SLC25A26: variants seen among roughly 807,000 people sequenced by gnomAD.
SLC25A26 encodes mitochondrial S-adenosylmethionine carrier protein.
In SLC25A26, 36 loss-of-function variants were observed where a neutral mutation model predicts 37.8. The observed-to-expected ratio is 0.95, with a 90% CI of 0.73 to 1.26. SLC25A26 has a LOEUF of 1.26. SLC25A26 is among the 50% of genes most tolerant of loss of function. The pLI is 0.00. For missense variants in SLC25A26, 390 were observed against 331.1 expected (o/e 1.18, Z -1.38); for synonymous variants, 129 against 122.5 (o/e 1.05, Z -0.35).
intron 2 of SLC25A26, 107 bp downstream of exon 2, chr3:66,236,807 C>T: frequency 2.5e-6 from 2 of 802,010 alleles, no homozygotes; most frequent in Non-Finnish European, 3.5e-6. Context: ...AGCTTATCTT[C>T]TGAATTTCCT....
At chr3:66,222,347 AT>A (rs2071539174) in intron 1 of SLC25A26, among the ~76,000 whole-genome samples, 1 of 151,966 alleles carries the variant, frequency 6.6e-6, no homozygotes, top group Non-Finnish European at 1.5e-5. Context: ...CGCCCAGCTA[AT>A]TTTTTGGGTT....
intron 1 of SLC25A26, among the ~76,000 whole-genome samples, chr3:66,223,671 T>G (rs1049350499): frequency 6.6e-6 from 1 of 152,158 alleles, no homozygotes; most frequent in African/African-American, 2.4e-5. Context: ...AAACTTGGAT[T>G]TGAAGAATTA....
At chr3:66,233,767 C>T (rs965855228) in intron 1 of SLC25A26, among the ~76,000 whole-genome samples, 2 of 151,850 alleles carry the variant, frequency 1.3e-5, no homozygotes, top group African/African-American at 2.4e-5. Flanking sequence ...TCGATAGAAG[C>T]GTTTAGTAAT....
At chr3:66,335,482 G>A (rs965219887) in intron 5 of SLC25A26, among the ~76,000 whole-genome samples, 2 of 152,124 alleles carry the variant, frequency 1.3e-5, no homozygotes, top group African/African-American at 2.4e-5. Context: ...TCAACACACT[G>A]TTCTAACAAA....
intron 1 of SLC25A26, among the ~76,000 whole-genome samples, chr3:66,201,114 C>T (rs1466292101): frequency 6.6e-6 from 1 of 152,074 alleles, no homozygotes; most frequent in Non-Finnish European, 1.5e-5. Flanking sequence ...GACTGCACTC[C>T]TTTTTCCTCC....
At chr3:66,170,423 G>C (rs147226411) in intron 1 of SLC25A26, among the ~76,000 whole-genome samples, 79,004 of 151,960 alleles carry the variant, frequency 0.52, 21,311 homozygotes, top group African/African-American at 0.66. Flanking sequence ...GGACACTAAT[G>C]CTCACTGGAC....
In SLC25A26 at chr3:66,362,869, T is replaced by A; in HGVS notation, c.508T>A (p.Ser170Thr). Residue 170 changes from serine (S) to threonine (T), a missense_variant, in exon 7 of 10, where the codon TCC (serine) becomes ACC (threonine). Physicochemically the swap from Ser to Thr is moderately conservative, Grantham distance 58. Coordinates refer to ENST00000354883, the MANE Select transcript of SLC25A26 (RefSeq NM_001379210.1). ...PLWESLKALW[S>T]WRQDHVVDSW... is the part of the protein sequence containing the mutation. ...TTCTCCTTAAACACAGGCCCTCTGGTCCTGGAGGCAGGATCATGTGGTGGA... is the reference window on the plus strand; with the variant it reads ...TTCTCCTTAAACACAGGCCCTCTGGACCTGGAGGCAGGATCATGTGGTGGA... 6.2e-7 allele frequency: 1 copy of A among 1,604,216 alleles called. No homozygotes were observed. The highest frequency in any genetic ancestry group is 8.5e-7 in the Non-Finnish European group (1 of 1,175,392).
At chr3:66,151,171 T>A (rs2070203133) in intron 1 of SLC25A26, among the ~76,000 whole-genome samples, 1 of 152,150 alleles carries the variant, frequency 6.6e-6, no homozygotes, top group Non-Finnish European at 1.5e-5. Flanking sequence ...TGCAGAGTGA[T>A]GACGATGTTA....
intron 2 of SLC25A26, among the ~76,000 whole-genome samples, chr3:66,240,078 A>T (rs2072498689): frequency 1.3e-5 from 2 of 152,118 alleles, no homozygotes; most frequent in African/African-American, 4.8e-5. Context: ...CAAAAAATAC[A>T]TAAGAACTGG....
At chr3:66,200,514 A>G (rs1267758244) in intron 1 of SLC25A26, among the ~76,000 whole-genome samples, 4 of 152,224 alleles carry the variant, frequency 2.6e-5, no homozygotes, top group African/African-American at 9.6e-5. Context: ...AGGTATTACA[A>G]AGACTATACA....
At chr3:66,309,520 T>G (rs1005973320) in intron 5 of SLC25A26, among the ~76,000 whole-genome samples, 1 of 152,106 alleles carries the variant, frequency 6.6e-6, no homozygotes, top group Admixed American at 6.6e-5. Context: ...TCTGCTCTGA[T>G]CTTAATTATT....
chr3:66,290,692 G>A (rs964545794), intron 5 of SLC25A26, among the ~76,000 whole-genome samples: 21 of 152,236 alleles, frequency 1.4e-4, no homozygotes, highest in South Asian at 4.1e-4. Context: ...TAAGCTTGTC[G>A]GTGTGCTGCT....
chr3:66,209,092 A>G (rs1230206691), intron 1 of SLC25A26, among the ~76,000 whole-genome samples: 3,017 of 37,328 alleles, frequency 0.081, 216 homozygotes, highest in African/African-American at 0.22. Context: ...ATAAAGATGT[A>G]TATATATATA....
chr3:66,195,621 G>C (rs980706565), intron 1 of SLC25A26, among the ~76,000 whole-genome samples: 1 of 152,206 alleles, frequency 6.6e-6, no homozygotes, highest in Non-Finnish European at 1.5e-5. Context: ...GCCGAGCGAG[G>C]AGCGCACGCG....
At chr3:66,371,498 T>C in intron 9 of SLC25A26, 4 of 1,363,754 alleles carry the variant, frequency 2.9e-6, no homozygotes, top group Non-Finnish European at 3.8e-6. Context: ...GAAAAGTAGG[T>C]GATATTGGAT....
intron 1 of SLC25A26, among the ~76,000 whole-genome samples, chr3:66,233,553 T>C (rs1463430888): frequency 6.6e-6 from 1 of 152,238 alleles, no homozygotes; most frequent in Non-Finnish European, 1.5e-5. Context: ...ATTAGGTTGT[T>C]ACTGGCTTAT....
intron 2 of SLC25A26, among the ~76,000 whole-genome samples, chr3:66,239,726 A>G (rs2072475820): frequency 1.3e-5 from 2 of 152,174 alleles, no homozygotes; most frequent in Admixed American, 1.3e-4. Context: ...TGCATTTTCA[A>G]AACAAGAAAA....
chr3:66,150,603 GATATATAT>G (rs1169750069), intron 1 of SLC25A26, among the ~76,000 whole-genome samples: 560 of 25,920 alleles, frequency 0.022, 8 homozygotes, highest in Middle Eastern at 0.045. Flanking sequence ...TATGTAATGA[GATATATAT>G]ATATATATAT....
At chr3:66,242,627 C>T (rs1276660882) in intron 2 of SLC25A26, among the ~76,000 whole-genome samples, 1 of 152,040 alleles carries the variant, frequency 6.6e-6, no homozygotes, top group Non-Finnish European at 1.5e-5. Flanking sequence ...CCGTCATATG[C>T]AGCTATGATT....
Sources: allele counts gnomAD v4.1 joint callset (sites outside exome capture counted in the v4.1 genomes callset), GRCh38; gene constraint gnomAD v4.1.1; transcripts MANE v1.5; gene names NCBI Gene and HGNC (gene_info 2026-07-23, HGNC 2026-07-21).